SRGAP3: variants seen among roughly 807,000 people sequenced by gnomAD.
SRGAP3 encodes the protein SLIT-ROBO Rho GTPase-activating protein 3.
SRGAP3 carries 39 observed loss-of-function variants against 121.1 expected under a neutral mutation model. The observed-to-expected ratio is 0.32, with a 90% CI of 0.25 to 0.42. The LOEUF is 0.42. Among genes scored for constraint, SRGAP3 ranks in the 10% least tolerant of loss-of-function variants. SRGAP3 has a pLI of 1.00. For synonymous variants in SRGAP3, 601 were observed against 570.0 expected, an observed-to-expected ratio of 1.05 and a Z score of -0.77; for missense variants, 1,213 against 1,470.6, an observed-to-expected ratio of 0.82 and a Z score of 2.86.
chr3:9,229,717 T>A (rs1434502809), intron 1 of SRGAP3, among the ~76,000 whole-genome samples: 1 of 152,212 alleles, frequency 6.6e-6, no homozygotes, highest in Non-Finnish European at 1.5e-5. Context: ...TATCTATTTA[T>A]AGGATAAATT....
chr3:9,047,140 CTTTAT>C lies in SRGAP3; in HGVS notation c.1408+246_1408+250del, dbSNP rs1389287012. Among the ~76,000 whole-genome samples the C allele has an allele frequency of 2.0e-5, 3 of 152,082 alleles. No homozygotes were observed. In the East Asian group the frequency reaches 5.8e-4, roughly 29 times the overall value. ...AGCCACCGTGCCCAGCCTCTATTTT[CTTTAT>C]TTTATTTTTTTTCTTTCTATTAATC... On this transcript the variant is annotated intron_variant, in intron 10 of 21. Coordinates refer to ENST00000383836, the MANE Select transcript of SRGAP3 (RefSeq NM_014850.4).
chr3:9,023,038 G>A (rs1006376914), intron 14 of SRGAP3, among the ~76,000 whole-genome samples: 1 of 152,192 alleles, frequency 6.6e-6, no homozygotes, highest in East Asian at 1.9e-4. Flanking sequence ...AAAAAGCAGT[G>A]CTACCAGAGT....
intron 3 of SRGAP3, among the ~76,000 whole-genome samples, chr3:9,259,059 C>T (rs910747624): frequency 5.3e-5 from 8 of 152,210 alleles, no homozygotes; most frequent in South Asian, 2.1e-4. Context: ...CTCCCTACTC[C>T]GGGCCATGCT....
chr3:9,286,414 A>G (rs921762185), intron 3 of SRGAP3, among the ~76,000 whole-genome samples: 4 of 151,678 alleles, frequency 2.6e-5, no homozygotes, highest in African/African-American at 9.7e-5. Flanking sequence ...TAATCCCTGA[A>G]CTTTGGGAGG....
chr3:9,094,962 A>G (rs572500037), intron 3 of SRGAP3, among the ~76,000 whole-genome samples: 2 of 151,736 alleles, frequency 1.3e-5, no homozygotes, highest in South Asian at 4.2e-4. Context: ...GGGTCTCCCT[A>G]TATTGCCCAG....
intron 3 of SRGAP3, among the ~76,000 whole-genome samples, chr3:9,291,297 C>T (rs1365348900): frequency 1.3e-5 from 2 of 152,146 alleles, no homozygotes; most frequent in African/African-American, 4.8e-5. Context: ...GAAGAGATTA[C>T]AAAACCTGTG....
At chr3:9,288,866 A>G (rs192279017) in intron 3 of SRGAP3, among the ~76,000 whole-genome samples, 169 of 152,166 alleles carry the variant, frequency 1.1e-3, no homozygotes, top group African/African-American at 3.8e-3. Flanking sequence ...ATGAGCCACT[A>G]TGCCTGGCCA....
Position 9,060,223 on chromosome 3 carries a change from G to A in SRGAP3, c.801+8C>T. 6.2e-7 allele frequency: 1 copy of A among 1,613,918 alleles called. No homozygotes were observed. On this transcript the variant is annotated splice_region_variant and intron_variant, in intron 6 of 21. Transcript: ENST00000383836. ...CCTGCTCAGTCCCAGACTCCCCAGG[G>A]AGCTCACATCGATCAGATCAGAGAC...
At chr3:9,026,621 T>C (rs1247369829) in intron 13 of SRGAP3, among the ~76,000 whole-genome samples, 1 of 152,242 alleles carries the variant, frequency 6.6e-6, no homozygotes, top group Non-Finnish European at 1.5e-5. Context: ...AATCTAGCCG[T>C]ATTAGCTGAT....
At chr3:9,075,747 G>T (rs1946946248) in intron 4 of SRGAP3, among the ~76,000 whole-genome samples, 1 of 152,202 alleles carries the variant, frequency 6.6e-6, no homozygotes, top group African/African-American at 2.4e-5. Context: ...TGCATTATTT[G>T]TTCCTCAGTG....
intron 3 of SRGAP3, among the ~76,000 whole-genome samples, chr3:9,301,262 T>G (rs1406968661): frequency 1.3e-5 from 2 of 152,166 alleles, no homozygotes; most frequent in Non-Finnish European, 2.9e-5. Flanking sequence ...AAATCCCAGA[T>G]AGACTGGCCT....
At chr3:9,189,630 T>A (rs1951694644) in intron 1 of SRGAP3, among the ~76,000 whole-genome samples, 1 of 152,204 alleles carries the variant, frequency 6.6e-6, no homozygotes, top group Non-Finnish European at 1.5e-5. Flanking sequence ...TGCCTTCTAA[T>A]CCATTTACAA....
chr3:9,168,643 G>GCCA (rs1291418062), intron 1 of SRGAP3, among the ~76,000 whole-genome samples: 2 of 152,192 alleles, frequency 1.3e-5, no homozygotes, highest in African/African-American at 4.8e-5. Flanking sequence ...TGGGTTTTCA[G>GCCA]CCATCTTTTC....
chr3:9,147,950 T>C (rs975276653), intron 1 of SRGAP3, among the ~76,000 whole-genome samples: 3 of 152,104 alleles, frequency 2.0e-5, no homozygotes. Flanking sequence ...CTCTGCAAAG[T>C]TTGGGAATAA....
At chr3:9,263,385 G>C (rs887747500) in intron 3 of SRGAP3, among the ~76,000 whole-genome samples, 2 of 150,986 alleles carry the variant, frequency 1.3e-5, no homozygotes, top group Non-Finnish European at 2.9e-5. Flanking sequence ...AACAGAAGGA[G>C]ACAGAGACAT....
At chr3:9,110,057 T>G (rs1948559902) in intron 2 of SRGAP3, among the ~76,000 whole-genome samples, 1 of 152,048 alleles carries the variant, frequency 6.6e-6, no homozygotes, top group South Asian at 2.1e-4. Flanking sequence ...AGGGTAAAAC[T>G]GCACTTTCAA....
rs1049945076 is a variant in SRGAP3 at position 9,060,377 on chromosome 3, T to C, written c.673-18A>G. Reference sequence around the variant, plus strand: ...GCCTGCCTCTGGAAGAAGAAAAGAGTAGATGTAAGAGCAAGCCATTTAAGA... The same window carrying C: ...GCCTGCCTCTGGAAGAAGAAAAGAGCAGATGTAAGAGCAAGCCATTTAAGA... On this transcript the variant is annotated intron_variant, in intron 5 of 21. Coordinates refer to ENST00000383836, the MANE Select transcript of SRGAP3 (RefSeq NM_014850.4). 1 of 1,612,996 alleles carries C rather than the reference T, an allele frequency of 6.2e-7. No individual in the cohort carries two copies. Among genetic ancestry groups the C allele is most frequent in the Admixed American group, 1.7e-5 (1 of 59,934 alleles).
chr3:9,191,761 G>T (rs1010742296), intron 1 of SRGAP3, among the ~76,000 whole-genome samples: 2 of 152,204 alleles, frequency 1.3e-5, no homozygotes, highest in Non-Finnish European at 2.9e-5. Flanking sequence ...GTGAGCCCTG[G>T]TAAGAGGTGA....
At chr3:9,186,060 C>A (rs1173613875) in intron 1 of SRGAP3, among the ~76,000 whole-genome samples, 1 of 152,198 alleles carries the variant, frequency 6.6e-6, no homozygotes, top group Non-Finnish European at 1.5e-5. Flanking sequence ...AACCGTGTCA[C>A]CCCTTCAAAC....
Sources: allele counts gnomAD v4.1 joint callset (sites outside exome capture counted in the v4.1 genomes callset), GRCh38; gene constraint gnomAD v4.1.1; transcripts MANE v1.5; gene names NCBI Gene and HGNC (gene_info 2026-07-23, HGNC 2026-07-21).